Variants in PTPRD observed in about 807,000 individuals in gnomAD.
PTPRD encodes the protein receptor-type tyrosine-protein phosphatase delta.
Under a neutral mutation model 214.5 loss-of-function variants are expected in PTPRD, and 34 were observed. The observed-to-expected ratio is 0.16, with a 90% CI of 0.12 to 0.21. The LOEUF (loss-of-function observed/expected upper bound fraction) is 0.21. PTPRD is among the 10% of genes least tolerant of loss of function. The pLI, the probability that PTPRD is intolerant of heterozygous loss-of-function variation, is 1.00. For synonymous variants in PTPRD, 1,128 were observed against 845.7 expected, an observed-to-expected ratio of 1.33 and a Z score of -5.79; for missense variants, 2,545 against 2,398.7, an observed-to-expected ratio of 1.06 and a Z score of -1.27.
At chr9:9,973,320 A>AAAC (rs1566849995) in intron 4 of PTPRD, among the ~76,000 whole-genome samples, 1 of 151,622 alleles carries the variant, frequency 6.6e-6, no homozygotes, top group African/African-American at 2.4e-5. Context: ...AAAAAAAAAA[A>AAAC]AATTACCCAG....
At chr9:8,927,478 G>A (rs1157221394) in intron 11 of PTPRD, among the ~76,000 whole-genome samples, 1 of 151,928 alleles carries the variant, frequency 6.6e-6, no homozygotes, top group Admixed American at 6.6e-5. Context: ...CTGTTCCTGT[G>A]TTAGTTTGCT....
chr9:10,187,531 G>C (rs1471948124), intron 3 of PTPRD, among the ~76,000 whole-genome samples: 3 of 152,094 alleles, frequency 2.0e-5, no homozygotes, highest in Admixed American at 6.5e-5. Context: ...TTTGAACTTG[G>C]CCTTTCGAAT....
chr9:9,974,346 A>C lies in PTPRD; in HGVS notation c.-471-35736T>G, dbSNP rs533782303. On this transcript the variant is annotated intron_variant, in intron 4 of 45. Coordinates refer to ENST00000381196, the MANE Select transcript of PTPRD (RefSeq NM_002839.4). ...TACCAAATGATGCCAAAATGTCTGCACCAAGCCTTTCTCCTTTGCTATTAA... is the reference window on the plus strand; with the variant it reads ...TACCAAATGATGCCAAAATGTCTGCCCCAAGCCTTTCTCCTTTGCTATTAA... Among the ~76,000 whole-genome samples, 198 of 152,272 alleles carry C rather than the reference A, an allele frequency of 1.3e-3. 2 individuals carry two copies. Among genetic ancestry groups the C allele is most frequent in the African/African-American group, 4.6e-3 (190 of 41,550 alleles).
rs553067690 is a variant in PTPRD, at chr9:8,485,942, T to C, written c.2875A>G (p.Arg959Gly). 6.2e-7 allele frequency: 1 copy of C among 1,614,206 alleles called. No individual in the cohort carries two copies. Among genetic ancestry groups the C allele is most frequent in the African/African-American group, 1.3e-5 (1 of 75,058 alleles). Residue 959 changes from arginine to glycine, a missense_variant, in exon 28 of 46, where the codon AGG becomes GGG. Coordinates refer to ENST00000381196, the MANE Select transcript of PTPRD (RefSeq NM_002839.4). ...GGGAGAAGGGGGATGTTGATATCCCTATAAAGAAGGGTATACTTGGTGATA... is the reference window on the plus strand; with the variant it reads ...GGGAGAAGGGGGATGTTGATATCCCCATAAAGAAGGGTATACTTGGTGATA... ...GIITKYTLLY[R>G]DINIPLLPME...
intron 7 of PTPRD, among the ~76,000 whole-genome samples, chr9:9,655,808 T>C (rs906095856): frequency 6.7e-6 from 1 of 150,328 alleles, no homozygotes; most frequent in Non-Finnish European, 1.5e-5. Flanking sequence ...TGAAACCCCA[T>C]GTCTACTAAA....
chr9:10,437,209 T>G (rs988660595), intron 2 of PTPRD, among the ~76,000 whole-genome samples: 4 of 151,838 alleles, frequency 2.6e-5, no homozygotes, highest in African/African-American at 9.7e-5. Context: ...GAATCCACAT[T>G]TTAATCATAG....
intron 11 of PTPRD, among the ~76,000 whole-genome samples, chr9:9,015,035 T>A (rs1163591606): frequency 1.3e-5 from 2 of 152,146 alleles, no homozygotes; most frequent in Non-Finnish European, 2.9e-5. Flanking sequence ...TTTAAAAAAA[T>A]GTTTTAACTA....
intron 3 of PTPRD, among the ~76,000 whole-genome samples, chr9:10,304,483 C>A (rs1372735394): frequency 6.6e-6 from 1 of 152,130 alleles, no homozygotes; most frequent in African/African-American, 2.4e-5. Context: ...TCTCTGTTTG[C>A]AGATGACATG....
chr9:9,165,323 T>C (rs997216128), intron 10 of PTPRD, among the ~76,000 whole-genome samples: 2 of 152,110 alleles, frequency 1.3e-5, no homozygotes, highest in African/African-American at 4.8e-5. Context: ...CTTCTTAATT[T>C]TGAGGAGAGA....
At chr9:9,948,775 G>T (rs569515438) in intron 4 of PTPRD, among the ~76,000 whole-genome samples, 1 of 151,992 alleles carries the variant, frequency 6.6e-6, no homozygotes, top group African/African-American at 2.4e-5. Flanking sequence ...CCAATAAATA[G>T]GTAGTATTAT....
chr9:9,942,834 C>T (rs559007823), intron 4 of PTPRD, among the ~76,000 whole-genome samples: 3 of 150,860 alleles, frequency 2.0e-5, no homozygotes, highest in Non-Finnish European at 4.4e-5. Context: ...CTTTATCATC[C>T]TATACATTTT....
At chr9:10,571,857 G>A (rs901459392) in intron 2 of PTPRD, among the ~76,000 whole-genome samples, 11 of 152,098 alleles carry the variant, frequency 7.2e-5, no homozygotes, top group Non-Finnish European at 1.3e-4. Context: ...ATTGAATGCC[G>A]CTGCTGATCT....
intron 27 of PTPRD, chr9:8,486,597 C>T (rs1003468016): frequency 4.7e-6 from 3 of 639,134 alleles, no homozygotes; most frequent in Non-Finnish European, 8.6e-6. Flanking sequence ...GAAACAACAG[C>T]TTAAGGGGAT....
intron 9 of PTPRD, among the ~76,000 whole-genome samples, chr9:9,311,377 T>C (rs1003350682): frequency 1.3e-5 from 2 of 152,124 alleles, no homozygotes; most frequent in African/African-American, 2.4e-5. Flanking sequence ...TACCAGCATA[T>C]TAACAACTAA....
intron 3 of PTPRD, among the ~76,000 whole-genome samples, chr9:10,155,694 T>A (rs905436045): frequency 2.0e-5 from 3 of 152,106 alleles, no homozygotes; most frequent in Non-Finnish European, 4.4e-5. Context: ...CTCCATCTAT[T>A]GAGATAAGTA....
In PTPRD at chr9:8,317,867, G is replaced by C. The variant is rs371954452; in HGVS notation, c.*7C>G. 39 of 1,611,788 alleles carry C rather than the reference G, an allele frequency of 2.4e-5. No homozygotes were observed. Among genetic ancestry groups the C allele is most frequent in the Non-Finnish European group, 3.2e-5 (38 of 1,178,466 alleles). On this transcript the variant is annotated 3_prime_UTR_variant, in exon 46 of 46. Transcript: ENST00000381196. ...TGTAGTAAAAATCCAGAATGGGTCA[G>C]GGGTTTCTACGTTGCATAGTGGTCA...
intron 2 of PTPRD, among the ~76,000 whole-genome samples, chr9:10,592,931 CTG>C (rs1252693549): frequency 6.6e-6 from 1 of 151,902 alleles, no homozygotes; most frequent in African/African-American, 2.4e-5. Context: ...CCCTTCCACA[CTG>C]TGGAAGCTTT....
intron 6 of PTPRD, among the ~76,000 whole-genome samples, chr9:9,766,444 T>TGA (rs1239833047): frequency 6.6e-6 from 1 of 152,224 alleles, no homozygotes; most frequent in African/African-American, 2.4e-5. Flanking sequence ...AGGTAGTTCT[T>TGA]GCCTGATAAT....
intron 5 of PTPRD, among the ~76,000 whole-genome samples, chr9:9,930,950 ATAATTTTCCTTAG>A (rs1211642196): frequency 2.6e-5 from 4 of 152,220 alleles, no homozygotes; most frequent in Admixed American, 6.5e-5. Context: ...TCCCGAATTC[ATAATTTTCCTTAG>A]TATAAAATAA....
Sources: allele counts gnomAD v4.1 joint callset (sites outside exome capture counted in the v4.1 genomes callset), GRCh38; gene constraint gnomAD v4.1.1; transcripts MANE v1.5; gene names NCBI Gene and HGNC (gene_info 2026-07-23, HGNC 2026-07-21).